The following ABL1 variants were observed in gnomAD, a reference collection of about 807,000 sequenced individuals.
The protein encoded by ABL1 is tyrosine-protein kinase ABL1.
A neutral mutation model predicts 94.7 loss-of-function variants in ABL1; 11 were observed. The observed-to-expected ratio is 0.12, with a 90% confidence interval of 0.07 to 0.19. The LOEUF (loss-of-function observed/expected upper bound fraction) is 0.19. Ranked by LOEUF, ABL1 falls within the 10% of genes least tolerant of loss-of-function variation. The pLI is 1.00. For missense variants in ABL1, 1,082 were observed against 1,489.4 expected, an observed-to-expected ratio of 0.73 and a Z score of 4.50; for synonymous variants, 656 against 622.4, an observed-to-expected ratio of 1.05 and a Z score of -0.80.
At chr9:130,875,165 G>A (rs34277504) in intron 7 of ABL1, 113 bp downstream of exon 7, 37,161 of 1,164,792 alleles carry the variant, frequency 0.032, 2,656 homozygotes, top group African/African-American at 0.26. Flanking sequence ...TTTTTGAGAC[G>A]GAGTCTCACT....
At chr9:130,783,266 T>C (rs781150054) in intron 1 of ABL1, among the ~76,000 whole-genome samples, 1 of 152,148 alleles carries the variant, frequency 6.6e-6, no homozygotes, top group Non-Finnish European at 1.5e-5. Flanking sequence ...ATTAAATCAA[T>C]TGTGTGTTTT....
chr9:130,882,630 G>T (rs1233570369), intron 10 of ABL1, among the ~76,000 whole-genome samples: 3 of 152,076 alleles, frequency 2.0e-5, no homozygotes, highest in African/African-American at 7.2e-5. Context: ...CACCTCCTGG[G>T]TTCAAGCGAT....
chr9:130,807,668 T>TTATATATATATATA (rs35665086), intron 1 of ABL1, among the ~76,000 whole-genome samples: 5 of 113,298 alleles, frequency 4.4e-5, no homozygotes, highest in African/African-American at 1.6e-4. Flanking sequence ...TTCCTTAATT[T>TTATATATATATATA]TATATATATA....
At chr9:130,821,683 A>G (rs1830364537) in intron 1 of ABL1, among the ~76,000 whole-genome samples, 1 of 140,986 alleles carries the variant, frequency 7.1e-6, no homozygotes, top group Non-Finnish European at 1.5e-5. Flanking sequence ...TTTTTTTGAG[A>G]TGGAGTTTTG....
At chr9:130,783,635 G>A (rs1829785475) in intron 1 of ABL1, among the ~76,000 whole-genome samples, 1 of 151,926 alleles carries the variant, frequency 6.6e-6, no homozygotes, top group Non-Finnish European at 1.5e-5. Context: ...TTGTGCATGT[G>A]TTTTTTGTTT....
intron 8 of ABL1, among the ~76,000 whole-genome samples, chr9:130,879,317 C>T (rs1053332025): frequency 6.6e-6 from 1 of 152,160 alleles, no homozygotes; most frequent in Non-Finnish European, 1.5e-5. Flanking sequence ...TGTCTTTCCA[C>T]GTCCATATAT....
At chr9:130,847,524 G>A (rs1167626283) in intron 1 of ABL1, among the ~76,000 whole-genome samples, 3 of 152,114 alleles carry the variant, frequency 2.0e-5, no homozygotes, top group Non-Finnish European at 4.4e-5. Flanking sequence ...TAAGGTTGAC[G>A]AGCATAGTTC....
chr9:130,883,946 C>A, intron 10 of ABL1, 23 bp from the exon 11 acceptor site: 1 of 1,587,502 alleles, frequency 6.3e-7, no homozygotes, highest in South Asian at 1.2e-5. Flanking sequence ...CTGGAGTTGT[C>A]AGCTCTTCCC....
Position 130,835,353 on chromosome 9 carries a change from G to GC in ABL1, c.-92dup, listed in dbSNP as rs11433464. On this transcript the variant is annotated 5_prime_UTR_variant, in exon 1 of 11. Transcript: ENST00000318560. The surrounding 1 kb of genome is among the most constrained non-coding windows in gnomAD (Gnocchi z 4.6). The stretch of plus-strand genomic sequence containing the variant: ...GAGGGCGGCTGGCGGGGCCGGGGGC[G>GC]CCGGGGGGGCGCGCGGGCCGAGCCG... 597,806 of 608,864 alleles carry GC rather than the reference G, an allele frequency of 0.98. 293,678 individuals carry two copies. The highest frequency in any genetic ancestry group is 1 in the East Asian group (6,797 of 6,800). 37.7% of individuals were successfully genotyped at this position (608,864 alleles called of 1,614,324 possible).
chr9:130,788,580 C>G (rs1829862707), intron 1 of ABL1, among the ~76,000 whole-genome samples: 2 of 152,116 alleles, frequency 1.3e-5, no homozygotes, highest in South Asian at 2.1e-4. Flanking sequence ...GCAATTACCC[C>G]CTTGGGTGTA....
chr9:130,760,698 C>CT (rs1244344510), intron 1 of ABL1, among the ~76,000 whole-genome samples: 2 of 151,026 alleles, frequency 1.3e-5, no homozygotes, highest in East Asian at 1.9e-4. Flanking sequence ...GAGTCTCGCT[C>CT]TGTCGCCAGG....
At chr9:130,856,786 T>C (rs1471868560) in intron 3 of ABL1, among the ~76,000 whole-genome samples, 1 of 152,220 alleles carries the variant, frequency 6.6e-6, no homozygotes, top group Non-Finnish European at 1.5e-5. Flanking sequence ...ACCTTCGAGA[T>C]TGTTTTATGG....
At chr9:130,844,153 A>G (rs12156431) in intron 1 of ABL1, among the ~76,000 whole-genome samples, 33,756 of 152,144 alleles carry the variant, frequency 0.22, 4,680 homozygotes, top group African/African-American at 0.39. Flanking sequence ...GCCATCTCTA[A>G]GGGATTTGAA....
At chr9:130,828,112 A>G (rs894905159) in intron 1 of ABL1, among the ~76,000 whole-genome samples, 10 of 151,936 alleles carry the variant, frequency 6.6e-5, no homozygotes, top group African/African-American at 2.2e-4. Flanking sequence ...TTTTTGATAC[A>G]TGGTCTCTGT....
intron 1 of ABL1, among the ~76,000 whole-genome samples, chr9:130,741,213 TG>T (rs1438859973): frequency 4.6e-5 from 7 of 152,068 alleles, no homozygotes; most frequent in African/African-American, 1.7e-4. Flanking sequence ...TATGTGTGAG[TG>T]CTAGTCATGG....
chr9:130,797,215 G>A (rs547710470), intron 1 of ABL1, among the ~76,000 whole-genome samples: 5 of 119,986 alleles, frequency 4.2e-5, no homozygotes, highest in African/African-American at 1.3e-4. Flanking sequence ...GAGCCTGGGC[G>A]ACAGAGTGAG....
chr9:130,884,704 G>T lies in ABL1; in HGVS notation c.2414G>T (p.Ser805Ile), dbSNP rs935275253. The change falls in exon 11 of 11, where the codon AGC becomes ATC. Residue 805 changes from serine to isoleucine, a missense_variant. Physicochemically the swap from Ser to Ile is moderately radical, Grantham distance 142. Transcript: ENST00000318560. This position sits in a 1 kb window ranked among gnomAD's most constrained non-coding sequence, Gnocchi z 5.6. Reference protein sequence around the residue: ...DEVFKDIMESSPGSSPPNLTP... With the variant: ...DEVFKDIMESIPGSSPPNLTP... ...GTCTTCAAAGACATCATGGAGTCCAGCCCGGGCTCCAGCCCGCCCAACCTG... is the reference window on the plus strand; with the variant it reads ...GTCTTCAAAGACATCATGGAGTCCATCCCGGGCTCCAGCCCGCCCAACCTG... 6.2e-7 allele frequency: 1 copy of T among 1,612,676 alleles called. No individual in the cohort carries two copies. The highest frequency in any genetic ancestry group is 8.5e-7 in the Non-Finnish European group (1 of 1,179,930).
At chr9:130,782,145 A>C (rs1002404834) in intron 1 of ABL1, among the ~76,000 whole-genome samples, 4 of 149,656 alleles carry the variant, frequency 2.7e-5, no homozygotes, top group Non-Finnish European at 5.9e-5. Context: ...TGCAACCTCC[A>C]CCTTCCAGGT....
intron 1 of ABL1, among the ~76,000 whole-genome samples, chr9:130,769,556 C>G (rs1342662010): frequency 2.6e-5 from 4 of 152,006 alleles, no homozygotes; most frequent in African/African-American, 9.7e-5. Flanking sequence ...CCAGGCTGGT[C>G]TCAAACTCCT....
Sources: allele counts gnomAD v4.1 joint callset (sites outside exome capture counted in the v4.1 genomes callset), GRCh38; gene constraint gnomAD v4.1.1; non-coding constraint Gnocchi (gnomAD v3.1); transcripts MANE v1.5; gene names NCBI Gene and HGNC (gene_info 2026-07-23, HGNC 2026-07-21).